ZGPAT: variants seen among roughly 807,000 people sequenced by gnomAD.
ZGPAT encodes zinc finger CCCH-type with G patch domain-containing protein.
A neutral mutation model predicts 47.9 loss-of-function variants in ZGPAT; 39 were observed. That is an observed-to-expected ratio of 0.81 (90% confidence interval 0.63 to 1.06). The LOEUF (loss-of-function observed/expected upper bound fraction) is 1.06, where lower values mean the gene tolerates loss of function less well. Among genes scored for constraint, ZGPAT ranks in the 50% least tolerant of loss-of-function variants. The probability of loss-of-function intolerance (pLI) is 0.00; values close to 1 mark genes in which losing one functional copy is unlikely to be tolerated. For synonymous variants in ZGPAT, 348 were observed against 292.9 expected, an observed-to-expected ratio of 1.19 and a Z score of -1.92; for missense variants, 717 against 681.4, an observed-to-expected ratio of 1.05 and a Z score of -0.58.
In ZGPAT at chr20:63,708,706, C is replaced by T; in HGVS notation, c.126C>T (p.Asp42=). The change falls in exon 2 of 7, where the codon GAC becomes GAT. Residue 42 remains aspartate (D), a synonymous_variant. Transcript: ENST00000355969. The stretch of plus-strand genomic sequence containing the variant: ...CTGACCTGCGCCAGCTGCAGGGGGA[C>T]CTGAAGGAGCTCATCGAGCTCACCG... ...EQADLRQLQG[D]LKELIELTEA... The T allele has an allele frequency of 3.1e-6, 5 of 1,612,762 alleles. No individual in the cohort carries two copies. The highest frequency in any genetic ancestry group is 2.2e-5 in the East Asian group (1 of 44,868).
intron 2 of ZGPAT, among the ~76,000 whole-genome samples, chr20:63,727,107 A>T (rs2091853033): frequency 6.6e-6 from 1 of 152,138 alleles, no homozygotes. Flanking sequence ...TTGTGGTATC[A>T]GACAGAGAAG....
rs570398030 is a variant in ZGPAT, at chr20:63,732,720, G to A, written c.585-499G>A. ...TGTGTATACATGTGTACTTGTGTAT[G>A]TGTATATGTGTATGTCTGTATATGT... On this transcript the variant is annotated intron_variant, in intron 2 of 6. Coordinates refer to ENST00000355969, the MANE Select transcript of ZGPAT (RefSeq NM_181485.3). Among the ~76,000 whole-genome samples the A allele has an allele frequency of 1.8e-4, 28 of 151,716 alleles. No individual in the cohort carries two copies. In the South Asian group the frequency reaches 5.4e-3, roughly 29 times the overall value.
At chr20:63,711,976 G>A (rs1377169216) in intron 2 of ZGPAT, among the ~76,000 whole-genome samples, 1 of 152,174 alleles carries the variant, frequency 6.6e-6, no homozygotes, top group East Asian at 1.9e-4. Context: ...CTTTTCACTT[G>A]ATATAGTGTC....
chr20:63,731,611 TGGTG>T (rs1432149448), intron 2 of ZGPAT, among the ~76,000 whole-genome samples: 3 of 148,662 alleles, frequency 2.0e-5, no homozygotes, highest in South Asian at 2.1e-4. Context: ...AGTTGGCCCT[TGGTG>T]TGTGTGTGAT....
chr20:63,722,584 T>C (rs949023424), intron 2 of ZGPAT, among the ~76,000 whole-genome samples: 3 of 152,162 alleles, frequency 2.0e-5, no homozygotes, highest in South Asian at 2.1e-4. Context: ...ACAATGTACA[T>C]CTTTAACTTA....
At chr20:63,730,018 G>GCACACA (rs112508718) in intron 2 of ZGPAT, 43,937 of 146,780 alleles carry the variant, frequency 0.3, 6,958 homozygotes, top group Middle Eastern at 0.46. Flanking sequence ...AGACTCTACT[G>GCACACA]CGCACACACA....
At chr20:63,718,067 T>G (rs2091749151) in intron 2 of ZGPAT, among the ~76,000 whole-genome samples, 1 of 151,924 alleles carries the variant, frequency 6.6e-6, no homozygotes, top group Non-Finnish European at 1.5e-5. Flanking sequence ...AAAAAGTTTT[T>G]GCAGAGACAG....
At chr20:63,716,513 TTCC>T (rs1016925769) in intron 2 of ZGPAT, among the ~76,000 whole-genome samples, 20 of 151,794 alleles carry the variant, frequency 1.3e-4, no homozygotes, top group East Asian at 5.8e-4. Context: ...ATCTCTTTTC[TTCC>T]TCTTTTTTTT....
intron 2 of ZGPAT, chr20:63,730,417 C>G (rs1400095853): frequency 6.6e-6 from 1 of 152,284 alleles, no homozygotes; most frequent in African/African-American, 2.4e-5. Flanking sequence ...TCACTCTGCT[C>G]CACCCACCCG....
chr20:63,713,160 C>T (rs566985199), intron 2 of ZGPAT, among the ~76,000 whole-genome samples: 4 of 151,850 alleles, frequency 2.6e-5, no homozygotes, highest in Non-Finnish European at 5.9e-5. Context: ...CAACCTCTGC[C>T]TCCCGGGTTC....
chr20:63,711,544 A>G (rs2091667988), intron 2 of ZGPAT, among the ~76,000 whole-genome samples: 1 of 151,394 alleles, frequency 6.6e-6, no homozygotes, highest in African/African-American at 2.4e-5. Flanking sequence ...AGCATCTTAC[A>G]GACGTCCACC....
At position 63,735,955 on chromosome 20, in the gene ZGPAT, C is replaced by G. The variant is rs542168124; in HGVS notation, c.*36C>G. On this transcript the variant is annotated 3_prime_UTR_variant, in exon 7 of 7. Transcript: ENST00000355969. ...AGCACTATGGACGAAGCGTGGGACC[C>G]CAGCACGGGCTGCCCTCAGGAAGAC... The G allele has an allele frequency of 2.3e-5, 37 of 1,587,498 alleles. No individual in the cohort carries two copies. The highest frequency in any genetic ancestry group is 8.6e-7 in the Non-Finnish European group (1 of 1,163,724).
chr20:63,714,271 C>G (rs1027488278), intron 2 of ZGPAT, among the ~76,000 whole-genome samples: 3 of 151,730 alleles, frequency 2.0e-5, no homozygotes, highest in Non-Finnish European at 4.4e-5. Context: ...ACTAAAAATA[C>G]AAAAATTAGC....
chr20:63,707,527 G>A (rs1421360290), upstream of ZGPAT: 3 of 167,586 alleles, frequency 1.8e-5, no homozygotes, highest in East Asian at 3.7e-4. Context: ...GCGAGCCACC[G>A]GCGCGCTCCC....
intron 2 of ZGPAT, among the ~76,000 whole-genome samples, chr20:63,732,271 ATG>A (rs375492312): frequency 5.2e-4 from 68 of 129,810 alleles, no homozygotes; most frequent in Middle Eastern, 4.6e-3. Context: ...GAGAGGTCGC[ATG>A]TGTGTGGGTG....
intron 2 of ZGPAT, among the ~76,000 whole-genome samples, chr20:63,714,137 T>C (rs1035001128): frequency 6.6e-6 from 1 of 151,858 alleles, no homozygotes; most frequent in African/African-American, 2.4e-5. Flanking sequence ...TAAAAGTGAC[T>C]AGAGCGGGCC....
chr20:63,725,779 T>TC (rs1368059715), intron 2 of ZGPAT, among the ~76,000 whole-genome samples: 1 of 148,458 alleles, frequency 6.7e-6, no homozygotes, highest in Non-Finnish European at 1.5e-5. Flanking sequence ...TTTTTTTTTT[T>TC]CCAACCTTTT....
intron 1 of ZGPAT, 96 bp from the exon 2 acceptor site, chr20:63,708,457 C>T (rs894606781): frequency 1.1e-6 from 1 of 870,070 alleles, no homozygotes; most frequent in Non-Finnish European, 1.7e-6. Flanking sequence ...GCCGGTGTCT[C>T]CCCGAGGGAA....
rs538903663 is a variant in ZGPAT at position 63,735,382 on chromosome 20, G to A, written c.1215G>A (p.Gln405=). 1 of 1,553,380 alleles carries A rather than the reference G, an allele frequency of 6.4e-7. No individual in the cohort carries two copies. Among genetic ancestry groups the A allele is most frequent in the South Asian group, 1.2e-5 (1 of 81,374 alleles). The change falls in exon 6 of 7, where the codon CAG becomes CAA. Residue 405 remains glutamine, a synonymous_variant. Coordinates refer to ENST00000355969, the MANE Select transcript of ZGPAT (RefSeq NM_181485.3). ...TCCTCAATGAAAAGCTGCAAGGTCAGGCTCCTGGGGCCCTAGAAGCCGGGG... is the reference window on the plus strand; with the variant it reads ...TCCTCAATGAAAAGCTGCAAGGTCAAGCTCCTGGGGCCCTAGAAGCCGGGG... ...FDFLNEKLQG[Q]APGALEAGAA...
Sources: allele counts gnomAD v4.1 joint callset (sites outside exome capture counted in the v4.1 genomes callset), GRCh38; gene constraint gnomAD v4.1.1; transcripts MANE v1.5; gene names NCBI Gene and HGNC (gene_info 2026-07-23, HGNC 2026-07-21).